The following AHCYL2 variants were observed in gnomAD, a reference collection of about 807,000 sequenced individuals.
AHCYL2 encodes the protein S-adenosylhomocysteine hydrolase-like protein 2.
A neutral mutation model predicts 81.4 loss-of-function variants in AHCYL2; 28 were observed. That is an observed-to-expected ratio of 0.34 (90% CI 0.25 to 0.47). The LOEUF (loss-of-function observed/expected upper bound fraction) is 0.47, where lower values mean the gene tolerates loss of function less well. AHCYL2 is among the 20% of genes least tolerant of loss of function. The pLI, the probability that AHCYL2 is intolerant of heterozygous loss-of-function variation, is 1.00. For synonymous variants in AHCYL2, 272 were observed against 290.2 expected (o/e 0.94, Z 0.64); for missense variants, 551 against 785.1 (o/e 0.70, Z 3.56).
intron 1 of AHCYL2, among the ~76,000 whole-genome samples, chr7:129,332,601 C>G (rs557740584): frequency 2.6e-5 from 4 of 152,224 alleles, no homozygotes; most frequent in Non-Finnish European, 5.9e-5. Flanking sequence ...CCAGACTCGT[C>G]TCTTTGAGCT....
intron 1 of AHCYL2, among the ~76,000 whole-genome samples, chr7:129,316,951 C>T (rs888963274): frequency 6.6e-6 from 1 of 152,188 alleles, no homozygotes; most frequent in African/African-American, 2.4e-5. Context: ...GAGCTGATAA[C>T]ACGATAACAT....
In AHCYL2 at chr7:129,301,616, C is replaced by A. The variant is rs180939094; in HGVS notation, c.363+76177C>A. 4.5e-3 allele frequency among the ~76,000 whole-genome samples: 689 copies of A among 152,242 alleles called. 1 individual carries two copies. Among genetic ancestry groups the A allele is most frequent in the Non-Finnish European group, 8.0e-3 (546 of 67,996 alleles). ...TTCCCAGCACCGTTTATTGAAGAGA[C>A]TGTTCTTTCCCCAATGTATAGTTTT... On this transcript the variant is annotated intron_variant, in intron 1 of 16. Transcript: ENST00000325006.
At chr7:129,261,921 A>T (rs895842745) in intron 1 of AHCYL2, among the ~76,000 whole-genome samples, 20 of 152,174 alleles carry the variant, frequency 1.3e-4, no homozygotes, top group Admixed American at 3.9e-4. Flanking sequence ...CAGTATGGAA[A>T]GTTACTCTGG....
chr7:129,345,608 C>A (rs542963935), intron 1 of AHCYL2, among the ~76,000 whole-genome samples: 2 of 152,000 alleles, frequency 1.3e-5, no homozygotes, highest in Non-Finnish European at 2.9e-5. Flanking sequence ...TAGTCTAGAC[C>A]GTTGATGACT....
At chr7:129,229,426 G>T (rs185142905) in intron 1 of AHCYL2, among the ~76,000 whole-genome samples, 3 of 152,272 alleles carry the variant, frequency 2.0e-5, no homozygotes, top group Admixed American at 2.0e-4. Context: ...AGATGTAGGT[G>T]GCATTATTTC....
chr7:129,303,150 G>A (rs1173287390), intron 1 of AHCYL2, among the ~76,000 whole-genome samples: 10 of 152,004 alleles, frequency 6.6e-5, no homozygotes, highest in East Asian at 1.9e-4. Flanking sequence ...ATAGGCATCC[G>A]CCACCACACC....
In AHCYL2 at chr7:129,410,150, T is replaced by C. The variant is rs865835469; in HGVS notation, c.1366+604T>C. On this transcript the variant is annotated intron_variant, in intron 11 of 16. Coordinates refer to ENST00000325006, the MANE Select transcript of AHCYL2 (RefSeq NM_015328.4). ...ACTTCCAAATTGAGATGAACGATTA[T>C]TGGGCTTGGGTTGGGGTTTATAACC... 190 of 1,598,256 alleles carry C rather than the reference T, an allele frequency of 1.2e-4. 2 individuals carry two copies. The Middle Eastern group carries it at 1.3e-3, about 11-fold the overall frequency.
Position 129,426,674 on chromosome 7 carries a change from G to C in AHCYL2, c.1829+111G>C, listed in dbSNP as rs1336542480. The C allele has an allele frequency of 3.5e-6, 5 of 1,435,252 alleles. No homozygotes were observed. The highest frequency in any genetic ancestry group is 4.7e-6 in the Non-Finnish European group (5 of 1,075,000). The allele number at this position is 1,435,252 out of a possible 1,614,324, so 88.9% of individuals were successfully genotyped here. ...TATGCTTACATGAACTCAGAAAAAT[G>C]AACCCACTTCCCCTCACTGCCACCT... On this transcript the variant is annotated intron_variant, in intron 16 of 16. Transcript: ENST00000325006. This position sits in a 1 kb window ranked among gnomAD's most constrained non-coding sequence, Gnocchi z 4.3.
intron 1 of AHCYL2, among the ~76,000 whole-genome samples, chr7:129,347,188 A>G (rs1015681142): frequency 1.7e-4 from 26 of 151,632 alleles, no homozygotes; most frequent in African/African-American, 6.1e-4. Flanking sequence ...ATCATCCTGT[A>G]TAATGCTACA....
chr7:129,276,018 A>G (rs1439426809), intron 1 of AHCYL2, among the ~76,000 whole-genome samples: 1 of 152,198 alleles, frequency 6.6e-6, no homozygotes, highest in African/African-American at 2.4e-5. Flanking sequence ...ATGAATGGAT[A>G]TTATGCAAAC....
chr7:129,397,019 T>C (rs1162977737), intron 4 of AHCYL2, among the ~76,000 whole-genome samples: 5 of 152,100 alleles, frequency 3.3e-5, no homozygotes, highest in Admixed American at 3.3e-4. Context: ...AAACATAGAG[T>C]CAGCTGGAGC....
At chr7:129,389,384 T>A (rs1340620868) in intron 3 of AHCYL2, among the ~76,000 whole-genome samples, 185 bp downstream of exon 3, 6 of 124,976 alleles carry the variant, frequency 4.8e-5, no homozygotes, top group Middle Eastern at 3.7e-3. Context: ...AACCCTGTAT[T>A]AAAAAAAAAA....
At chr7:129,228,304 C>T (rs927395402) in intron 1 of AHCYL2, among the ~76,000 whole-genome samples, 7 of 152,156 alleles carry the variant, frequency 4.6e-5, no homozygotes, top group Non-Finnish European at 8.8e-5. Context: ...TTACTCTGCT[C>T]AGCCACACAA....
intron 1 of AHCYL2, among the ~76,000 whole-genome samples, chr7:129,304,789 G>A (rs577157049): frequency 6.6e-6 from 1 of 151,960 alleles, no homozygotes; most frequent in African/African-American, 2.4e-5. Context: ...GGTGAAGTGT[G>A]TTTCTTGTAG....
chr7:129,339,514 C>T (rs1793086761), intron 1 of AHCYL2, among the ~76,000 whole-genome samples: 1 of 152,050 alleles, frequency 6.6e-6, no homozygotes, highest in Admixed American at 6.6e-5. Context: ...TTAATGCAGC[C>T]ATTAAAATTC....
intron 1 of AHCYL2, among the ~76,000 whole-genome samples, chr7:129,246,573 CTG>C (rs1218634617): frequency 6.6e-6 from 1 of 152,172 alleles, no homozygotes; most frequent in Non-Finnish European, 1.5e-5. Flanking sequence ...ACTCGGCTCA[CTG>C]TGGTCTTGAT....
chr7:129,290,929 CAA>C (rs1436774012), intron 1 of AHCYL2, among the ~76,000 whole-genome samples: 1 of 119,278 alleles, frequency 8.4e-6, no homozygotes, highest in African/African-American at 3.1e-5. Flanking sequence ...GACTCCATCT[CAA>C]AAAAAAAAAA....
intron 1 of AHCYL2, among the ~76,000 whole-genome samples, chr7:129,344,388 C>G (rs934159381): frequency 6.6e-6 from 1 of 152,058 alleles, no homozygotes; most frequent in African/African-American, 2.4e-5. Flanking sequence ...TATGGTACAC[C>G]CATGTAATGT....
At chr7:129,281,052 A>G (rs1006625067) in intron 1 of AHCYL2, among the ~76,000 whole-genome samples, 9 of 151,814 alleles carry the variant, frequency 5.9e-5, no homozygotes, top group Non-Finnish European at 1.2e-4. Context: ...TTTAGTAGAG[A>G]TGGGGTTTCA....
Sources: gnomAD v4.1 joint callset for allele counts (sites outside exome capture counted in the v4.1 genomes callset) on GRCh38, gnomAD v4.1.1 for gene constraint, Gnocchi (gnomAD v3.1) non-coding constraint, MANE v1.5 for transcripts, NCBI Gene and HGNC (gene_info 2026-07-23, HGNC 2026-07-21) for gene names.